COP1: variants seen among roughly 807,000 people sequenced by gnomAD.
COP1 encodes COP1 E3 ubiquitin ligase, also known as E3 ubiquitin-protein ligase COP1.
COP1 carries 24 observed loss-of-function variants against 101.3 expected under a neutral mutation model. The ratio of observed to expected loss-of-function variants is 0.24; its 90% CI spans 0.17 to 0.33. The LOEUF (loss-of-function observed/expected upper bound fraction) is 0.33. COP1 is among the 10% of genes least tolerant of loss of function. The pLI is 1.00. For missense variants in COP1, 663 were observed against 906.2 expected, an observed-to-expected ratio of 0.73 and a Z score of 3.45; for synonymous variants, 347 against 341.9, an observed-to-expected ratio of 1.01 and a Z score of -0.17.
intron 15 of COP1, among the ~76,000 whole-genome samples, chr1:176,007,834 G>A (rs1483421578): frequency 1.3e-5 from 2 of 152,244 alleles, no homozygotes; most frequent in Non-Finnish European, 2.9e-5. Flanking sequence ...GGAGCCTACA[G>A]AGGCAGGCAG....
chr1:176,050,604 T>C (rs1672378316), intron 11 of COP1, among the ~76,000 whole-genome samples: 1 of 152,188 alleles, frequency 6.6e-6, no homozygotes, highest in African/African-American at 2.4e-5. Flanking sequence ...AAACTGGCCA[T>C]TTTAACGAAA....
At chr1:176,152,222 T>C (rs1398002826) in intron 5 of COP1, among the ~76,000 whole-genome samples, 1 of 151,886 alleles carries the variant, frequency 6.6e-6, no homozygotes, top group Non-Finnish European at 1.5e-5. Context: ...ATCGCACCAT[T>C]GCAGTCCAGT....
intron 11 of COP1, among the ~76,000 whole-genome samples, chr1:176,060,252 A>G (rs190683852): frequency 1.3e-5 from 2 of 152,344 alleles, no homozygotes; most frequent in African/African-American, 4.8e-5. Flanking sequence ...GATAGACTAT[A>G]TTCTGAAAAA....
At chr1:176,034,492 T>C (rs1669155007) in intron 14 of COP1, among the ~76,000 whole-genome samples, 1 of 152,218 alleles carries the variant, frequency 6.6e-6, no homozygotes, top group South Asian at 2.1e-4. Context: ...TCTTGCTTCT[T>C]TGCCCTTGTG....
At chr1:176,114,622 C>G (rs1685874531) in intron 9 of COP1, among the ~76,000 whole-genome samples, 2 of 151,890 alleles carry the variant, frequency 1.3e-5, no homozygotes, top group South Asian at 4.2e-4. Context: ...GGGTCTCACT[C>G]TGTCACCCAG....
At chr1:175,983,313 CG>C (rs1418156661) in intron 18 of COP1, among the ~76,000 whole-genome samples, 9 of 152,170 alleles carry the variant, frequency 5.9e-5, no homozygotes, top group Non-Finnish European at 1.3e-4. Context: ...AAGTCTTTCC[CG>C]AACTGTTCTC....
At chr1:175,994,589 G>T (rs1659594031) in intron 15 of COP1, among the ~76,000 whole-genome samples, 1 of 152,164 alleles carries the variant, frequency 6.6e-6, no homozygotes, top group South Asian at 2.1e-4. Flanking sequence ...GGCAGGGGTT[G>T]CAATCCTAGT....
At chr1:176,116,766 T>G (rs1686257861) in intron 8 of COP1, 85 bp from the exon 9 acceptor site, 1 of 911,128 alleles carries the variant, frequency 1.1e-6, no homozygotes, top group South Asian at 1.6e-5. Flanking sequence ...ATATCATATA[T>G]AAGCCCAGTA....
intron 18 of COP1, among the ~76,000 whole-genome samples, chr1:175,955,425 C>G (rs979711854): frequency 6.6e-6 from 1 of 152,048 alleles, no homozygotes; most frequent in African/African-American, 2.4e-5. Context: ...CTCTCTCAGA[C>G]TAGGAACAAG....
chr1:175,947,432 G>A (rs1046050598), intron 18 of COP1, 193 bp from the exon 19 acceptor site: 63 of 472,564 alleles, frequency 1.3e-4, no homozygotes, highest in Middle Eastern at 5.6e-4. Flanking sequence ...GTGCAATGGC[G>A]CGATCTTGGC....
intron 1 of COP1, among the ~76,000 whole-genome samples, chr1:176,205,078 C>T (rs1700693192): frequency 6.6e-6 from 1 of 152,214 alleles, no homozygotes; most frequent in Non-Finnish European, 1.5e-5. Context: ...TTCCTCACAT[C>T]TTTTACTTTA....
intron 6 of COP1, among the ~76,000 whole-genome samples, chr1:176,139,963 T>C (rs907536492): frequency 2.0e-5 from 3 of 152,150 alleles, no homozygotes; most frequent in African/African-American, 7.2e-5. Flanking sequence ...TGAAATTATA[T>C]TTAAAAAGAA....
At chr1:176,195,041 C>G (rs1005383941) in intron 1 of COP1, among the ~76,000 whole-genome samples, 8 of 150,212 alleles carry the variant, frequency 5.3e-5, no homozygotes, top group African/African-American at 2.0e-4. Context: ...GAGCTGTGAT[C>G]ACGCCACTGC....
At chr1:176,000,036 A>G (rs1449570141) in intron 15 of COP1, among the ~76,000 whole-genome samples, 1 of 152,024 alleles carries the variant, frequency 6.6e-6, no homozygotes, top group East Asian at 1.9e-4. Context: ...TAGTTTGCAA[A>G]TATTTTCTCC....
intron 18 of COP1, among the ~76,000 whole-genome samples, chr1:175,983,626 A>C (rs1656403148): frequency 6.6e-6 from 1 of 152,218 alleles, no homozygotes; most frequent in African/African-American, 2.4e-5. Flanking sequence ...GAACTGGTTA[A>C]CAGGCAGAGG....
intron 15 of COP1, among the ~76,000 whole-genome samples, chr1:176,009,479 G>A (rs1458680160): frequency 6.6e-6 from 1 of 152,100 alleles, no homozygotes; most frequent in Non-Finnish European, 1.5e-5. Context: ...TATAAGTAAA[G>A]GTTAAATTAT....
chr1:176,057,538 T>C (rs1466434929), intron 11 of COP1, among the ~76,000 whole-genome samples: 2 of 152,342 alleles, frequency 1.3e-5, no homozygotes, highest in East Asian at 3.9e-4. Flanking sequence ...GGTTTCGCTG[T>C]GTTGGCCGGG....
At chr1:175,960,623 T>C (rs771706006) in intron 18 of COP1, among the ~76,000 whole-genome samples, 23 of 152,300 alleles carry the variant, frequency 1.5e-4, no homozygotes, top group South Asian at 8.3e-4. Flanking sequence ...AGTAATAATA[T>C]GTTATTGGAT....
At chr1:176,138,410 T>A (rs1690134164) in intron 6 of COP1, among the ~76,000 whole-genome samples, 1 of 152,098 alleles carries the variant, frequency 6.6e-6, no homozygotes, top group Non-Finnish European at 1.5e-5. Flanking sequence ...AATCAAGGGT[T>A]AAAAGAGTGA....
Sources: allele counts gnomAD v4.1 joint callset (sites outside exome capture counted in the v4.1 genomes callset), GRCh38; gene constraint gnomAD v4.1.1; transcripts MANE v1.5; gene names NCBI Gene and HGNC (gene_info 2026-07-23, HGNC 2026-07-21).